NLRP4: variants seen among roughly 807,000 people sequenced by gnomAD.
NLRP4 encodes the protein NLR family pyrin domain containing 4, also known as NACHT, LRR and PYD domains-containing protein 4.
In NLRP4, 44 loss-of-function variants were observed where a neutral mutation model predicts 84.7. That is an observed-to-expected ratio of 0.52 (90% CI 0.41 to 0.67). The LOEUF (loss-of-function observed/expected upper bound fraction) is 0.67. Among genes scored for constraint, NLRP4 ranks in the 30% least tolerant of loss-of-function variants. The probability of loss-of-function intolerance (pLI) is 0.00; values close to 1 mark genes in which losing one functional copy is unlikely to be tolerated. For synonymous variants in NLRP4, 544 were observed against 476.4 expected (o/e 1.14, Z -1.85); for missense variants, 1,260 against 1,219.4 (o/e 1.03, Z -0.50).
intron 9 of NLRP4, among the ~76,000 whole-genome samples, chr19:55,881,136 C>CGTGTGTGTGTGTGT (rs56806641): frequency 0.066 from 9,162 of 139,452 alleles, 375 homozygotes; most frequent in Middle Eastern, 0.089. Context: ...GTGAGAGCCA[C>CGTGTGTGTGTGTGT]GTGTGTGTGT....
At position 55,861,993 on chromosome 19, in the gene NLRP4, A is replaced by G. The variant is rs768416302; in HGVS notation, c.2020A>G (p.Ile674Val). ...CCAAAATTTTCTTTGTTTTTGCAGAATAAATAACGTTTCCTTTTCTGGCCA... is the reference window on the plus strand; with the variant it reads ...CCAAAATTTTCTTTGTTTTTGCAGAGTAAATAACGTTTCCTTTTCTGGCCA... Reference protein sequence around the residue: ...HPSCRLQKLGINNVSFSGQSV... With the variant: ...HPSCRLQKLGVNNVSFSGQSV... Residue 674 changes from isoleucine to valine, a missense_variant and splice_region_variant, in exon 5 of 10, where the codon ATA becomes GTA. Ile to Val is a conservative substitution (Grantham distance 29). Transcript: ENST00000301295. 10 of 1,612,924 alleles carry G rather than the reference A, an allele frequency of 6.2e-6. No individual in the cohort carries two copies. The Admixed American group carries it at 1.7e-4, about 27-fold the overall frequency.
intron 2 of NLRP4, among the ~76,000 whole-genome samples, chr19:55,855,703 G>A (rs1984384485): frequency 6.6e-6 from 1 of 152,218 alleles, no homozygotes; most frequent in Non-Finnish European, 1.5e-5. Flanking sequence ...TACATCTCCA[G>A]TCCATCAGCA....
chr19:55,872,841 A>G (rs964536253), intron 7 of NLRP4, among the ~76,000 whole-genome samples: 5 of 152,196 alleles, frequency 3.3e-5, no homozygotes, highest in Admixed American at 2.6e-4. Context: ...TAACAGGATA[A>G]ATAGTGGAGA....
chr19:55,859,936 A>AAAAAC lies in NLRP4; in HGVS notation c.1856+691_1856+692insCAAAA, dbSNP rs1568666176. Among the ~76,000 whole-genome samples, 6 of 127,686 alleles carry AAAAAC rather than the reference A, an allele frequency of 4.7e-5. 1 individual carries two copies. The highest frequency in any genetic ancestry group is 1.7e-4 in the African/African-American group (6 of 34,662). The allele number at this position is 127,686 out of a possible 152,430, so 83.8% of individuals were successfully genotyped here. On this transcript the variant is annotated intron_variant, in intron 3 of 9. Coordinates refer to ENST00000301295, the MANE Select transcript of NLRP4 (RefSeq NM_134444.5). ...TGAGACTCTCATCTCCAAAAAAAAAAAAAAAAAAAAAAAAAACAAAACACA... is the reference window on the plus strand; with the variant it reads ...TGAGACTCTCATCTCCAAAAAAAAAAAAAACAAAAAAAAAAAAAAAACAAAACACA...
chr19:55,862,925 G>T (rs192856539), intron 5 of NLRP4, among the ~76,000 whole-genome samples: 38 of 152,120 alleles, frequency 2.5e-4, no homozygotes, highest in African/African-American at 8.7e-4. Flanking sequence ...TCGGAAAACT[G>T]TGTGTATTCA....
rs376218682 is a variant in NLRP4, at chr19:55,858,644, C to T, written c.1251C>T (p.Asp417=). Residue 417 remains aspartate (D), a synonymous_variant, in exon 3 of 10, where the codon GAC becomes GAT. Coordinates refer to ENST00000301295, the MANE Select transcript of NLRP4 (RefSeq NM_134444.5). This position sits in a 1 kb window ranked among gnomAD's most constrained non-coding sequence, Gnocchi z 4.2. ...MWTDTFEFCE[D]DLRRNGVVDA... ...CAGACACATTTGAGTTTTGTGAAGA[C>T]GACCTCCGGAGAAATGGGGTTGTTG... 116 of 1,614,030 alleles carry T rather than the reference C, an allele frequency of 7.2e-5. No individual in the cohort carries two copies. The highest frequency in any genetic ancestry group is 1.6e-4 in the Middle Eastern group (1 of 6,084).
Position 55,867,848 on chromosome 19 carries a change from A to G in NLRP4, c.2326A>G (p.Ser776Gly), listed in dbSNP as rs753466012. Residue 776 changes from serine to glycine, a missense_variant, in exon 6 of 10, where the codon AGC becomes GGC. By Grantham distance (56) the Ser-to-Gly change is moderately conservative. Around this residue, in one of 3 missense-constraint regions of NLRP4, gnomAD observed 544 missense variants for 531.7 expected, o/e 1.02. Transcript: ENST00000301295. The stretch of plus-strand genomic sequence containing the variant: ...GCCCCTTTTGTGTGAAGCCCTGTGC[A>G]GCCCAGACACGGTCCTGGTATACCT... ...GVPLLCEALC[S>G]PDTVLVYLML... The G allele has an allele frequency of 3.1e-6, 5 of 1,614,190 alleles. No individual in the cohort carries two copies. Among genetic ancestry groups the G allele is most frequent in the Non-Finnish European group, 4.2e-6 (5 of 1,180,008 alleles).
At chr19:55,854,538 A>G (rs967164562) in intron 2 of NLRP4, among the ~76,000 whole-genome samples, 2 of 152,200 alleles carry the variant, frequency 1.3e-5, no homozygotes, top group African/African-American at 2.4e-5. Flanking sequence ...AATCTGTAAT[A>G]TCTTGTTCCA....
chr19:55,867,570 G>A lies in NLRP4; in HGVS notation c.2187-139G>A, dbSNP rs1985009213. 5.8e-6 allele frequency: 4 copies of A among 695,102 alleles called. No homozygotes were observed. In the South Asian group the frequency reaches 7.2e-5, roughly 12 times the overall value. The allele number at this position is 695,102 out of a possible 1,614,324, so 43.1% of individuals were successfully genotyped here. On this transcript the variant is annotated intron_variant, in intron 5 of 9. Coordinates refer to ENST00000301295, the MANE Select transcript of NLRP4 (RefSeq NM_134444.5). Reference sequence around the variant, plus strand: ...CTGTACCCCAGAGACTGGGTTGACAGGGATCAAGAACAGGGTTGGGAGGCA... The same window carrying A: ...CTGTACCCCAGAGACTGGGTTGACAAGGATCAAGAACAGGGTTGGGAGGCA...
chr19:55,856,438 C>T (rs1984416371), intron 2 of NLRP4, among the ~76,000 whole-genome samples: 1 of 150,694 alleles, frequency 6.6e-6, no homozygotes, highest in African/African-American at 2.4e-5. Flanking sequence ...AATCGCAGAA[C>T]TTAATCTGTA....
rs1360548661 is a variant in NLRP4, at chr19:55,878,826, G to C, written c.2729G>C (p.Cys910Ser). 10 of 1,613,464 alleles carry C rather than the reference G, an allele frequency of 6.2e-6. No homozygotes were observed. Among genetic ancestry groups the C allele is most frequent in the Non-Finnish European group, 8.5e-6 (10 of 1,179,602 alleles). Reference sequence around the variant, plus strand: ...GAATGTGGGTTAACGAGCACCTGCTGTAAGGATCTCGCGTCTGTTCTCACC... The same window carrying C: ...GAATGTGGGTTAACGAGCACCTGCTCTAAGGATCTCGCGTCTGTTCTCACC... ...LEECGLTSTC[C>S]KDLASVLTCS... The change falls in exon 9 of 10, where the codon TGT becomes TCT. Residue 910 changes from cysteine to serine, a missense_variant. By Grantham distance (112) the Cys-to-Ser change is moderately radical. Coordinates refer to ENST00000301295, the MANE Select transcript of NLRP4 (RefSeq NM_134444.5).
At chr19:55,843,966 T>C (rs1026086574) in intron 1 of NLRP4, among the ~76,000 whole-genome samples, 1 of 152,132 alleles carries the variant, frequency 6.6e-6, no homozygotes, top group Non-Finnish European at 1.5e-5. Flanking sequence ...TTTACGTGTC[T>C]TCTAGACCAC....
At chr19:55,861,242 C>T in intron 3 of NLRP4, 144 bp from the exon 4 acceptor site, 1 of 658,504 alleles carries the variant, frequency 1.5e-6, no homozygotes, top group Non-Finnish European at 2.6e-6. Context: ...AGGTGACTTA[C>T]CTGAAGGGTC....
At position 55,862,313 on chromosome 19, in the gene NLRP4, A is replaced by C. The variant is rs564429514; in HGVS notation, c.2186+154A>C. Among the ~76,000 whole-genome samples the C allele has an allele frequency of 2.3e-5, 3 of 132,822 alleles. No individual in the cohort carries two copies. In the East Asian group the frequency reaches 7.5e-4, roughly 33 times the overall value. 87.1% of individuals were successfully genotyped at this position (132,822 alleles called of 152,430 possible). On this transcript the variant is annotated intron_variant, in intron 5 of 9. Transcript: ENST00000301295. ...CTGATTGGGTTTCAGAGAAGACTAT[A>C]GCGTAAGTCTCCGTTTATTGAGACC...
intron 7 of NLRP4, among the ~76,000 whole-genome samples, chr19:55,876,077 A>G (rs1985357983): frequency 1.3e-5 from 2 of 152,288 alleles, no homozygotes; most frequent in East Asian, 1.9e-4. Context: ...TAAATGTGTC[A>G]TCTAAAGTTT....
In NLRP4 at chr19:55,876,986, T is replaced by C; in HGVS notation, c.2526-10T>C. 6.2e-7 allele frequency: 1 copy of C among 1,611,024 alleles called. No homozygotes were observed. The highest frequency in any genetic ancestry group is 2.2e-5 in the East Asian group (1 of 44,804). On this transcript the variant is annotated splice_polypyrimidine_tract_variant and intron_variant, in intron 7 of 9. Transcript: ENST00000301295. ...TAGCCTTTAAGCATGGTACCCTTAC[T>C]CCTTTGCAGTTTGGTAAAATGTTTT...
chr19:55,861,601 C>T, intron 4 of NLRP4, 54 bp downstream of exon 4: 3 of 1,534,406 alleles, frequency 2.0e-6, no homozygotes, highest in Non-Finnish European at 2.7e-6. Flanking sequence ...ACCTATTCAT[C>T]TCACCTCTAG....
At position 55,861,449 on chromosome 19, in the gene NLRP4, C is replaced by T. The variant is rs1209459172; in HGVS notation, c.1920C>T (p.Leu640=). ...CTGTGCTCACCACCAGCGGGCACCT[C>T]AGAGAGCTCCAGGTGCAGGACAGCA... ...ICSVLTTSGH[L]RELQVQDSTL... Residue 640 remains leucine, a synonymous_variant, in exon 4 of 10, where the codon CTC becomes CTT. Coordinates refer to ENST00000301295, the MANE Select transcript of NLRP4 (RefSeq NM_134444.5). 1 of 1,613,862 alleles carries T rather than the reference C, an allele frequency of 6.2e-7. No individual in the cohort carries two copies. The highest frequency in any genetic ancestry group is 8.5e-7 in the Non-Finnish European group (1 of 1,179,802).
intron 2 of NLRP4, among the ~76,000 whole-genome samples, chr19:55,855,931 A>G (rs1379750878): frequency 6.6e-6 from 1 of 152,232 alleles, no homozygotes; most frequent in African/African-American, 2.4e-5. Flanking sequence ...ATACACCACG[A>G]CAGCTATGAT....
Sources: gnomAD v4.1 joint callset for allele counts (sites outside exome capture counted in the v4.1 genomes callset) on GRCh38, gnomAD v4.1.1 for gene constraint, gnomAD v4.1.1 regional missense constraint, Gnocchi (gnomAD v3.1) non-coding constraint, MANE v1.5 for transcripts, NCBI Gene and HGNC (gene_info 2026-07-23, HGNC 2026-07-21) for gene names.